Variants in PDE7B observed in about 807,000 individuals in gnomAD.
The protein encoded by PDE7B is phosphodiesterase 7B.
In PDE7B, 29 loss-of-function variants were observed where a neutral mutation model predicts 56.2. The observed-to-expected ratio is 0.52, with a 90% CI of 0.38 to 0.70. The LOEUF is 0.70. Among genes scored for constraint, PDE7B ranks in the 30% least tolerant of loss-of-function variants. The probability of loss-of-function intolerance (pLI) is 0.00; values close to 1 mark genes in which losing one functional copy is unlikely to be tolerated. For missense variants in PDE7B, 490 were observed against 565.0 expected (o/e 0.87, Z 1.35); for synonymous variants, 197 against 196.9 (o/e 1.00, Z 0.00).
rs534253228 is a variant in PDE7B, at chr6:135,921,872, A to T, written c.22-25592A>T. 8.7e-4 allele frequency among the ~76,000 whole-genome samples: 133 copies of T among 152,188 alleles called. No homozygotes were observed. In the South Asian group the frequency reaches 0.011, roughly 13 times the overall value. On this transcript the variant is annotated intron_variant, in intron 1 of 12. Coordinates refer to ENST00000308191, the MANE Select transcript of PDE7B (RefSeq NM_018945.4). Reference sequence around the variant, plus strand: ...ATAAAAAAATACCCCTTATACTTTCATCCCAACCTCCTATCCTTCCCAAAA... The same window carrying T: ...ATAAAAAAATACCCCTTATACTTTCTTCCCAACCTCCTATCCTTCCCAAAA...
chr6:135,982,905 G>T (rs75149976), intron 2 of PDE7B, among the ~76,000 whole-genome samples: 3 of 152,048 alleles, frequency 2.0e-5, no homozygotes, highest in Non-Finnish European at 2.9e-5. Flanking sequence ...TCCTCTAAAG[G>T]CTTCTCCCTT....
chr6:135,853,693 G>A (rs1774975725), intron 1 of PDE7B, among the ~76,000 whole-genome samples: 1 of 151,946 alleles, frequency 6.6e-6, no homozygotes. Context: ...CAAAATCAGT[G>A]GTGACTATAT....
At chr6:136,073,388 G>A (rs1344744446) in intron 2 of PDE7B, among the ~76,000 whole-genome samples, 2 of 152,144 alleles carry the variant, frequency 1.3e-5, no homozygotes, top group African/African-American at 2.4e-5. Context: ...AATCAGCTAA[G>A]GCTGTCATAA....
intron 2 of PDE7B, among the ~76,000 whole-genome samples, chr6:136,062,157 G>A (rs979941782): frequency 1.3e-5 from 2 of 152,056 alleles, no homozygotes; most frequent in South Asian, 2.1e-4. Context: ...CAATCCTCAC[G>A]CCATCCTCAT....
intron 2 of PDE7B, among the ~76,000 whole-genome samples, chr6:136,011,260 A>C (rs971051318): frequency 2.6e-5 from 4 of 152,184 alleles, no homozygotes; most frequent in African/African-American, 9.7e-5. Context: ...AGAGCAGGGT[A>C]TCAGGCTGCT....
intron 2 of PDE7B, among the ~76,000 whole-genome samples, chr6:136,094,471 A>G (rs546803170): frequency 6.6e-6 from 1 of 152,142 alleles, no homozygotes; most frequent in East Asian, 1.9e-4. Context: ...CCTCCCAGAT[A>G]GTCTCTTGGC....
At chr6:136,140,527 T>TGC (rs1778303866) in intron 3 of PDE7B, among the ~76,000 whole-genome samples, 1 of 152,248 alleles carries the variant, frequency 6.6e-6, no homozygotes, top group African/African-American at 2.4e-5. Flanking sequence ...GGTAGCTTGA[T>TGC]GGCAATGGCA....
chr6:135,910,482 T>C (rs1224586621), intron 1 of PDE7B, among the ~76,000 whole-genome samples: 2 of 152,196 alleles, frequency 1.3e-5, no homozygotes, highest in South Asian at 2.1e-4. Flanking sequence ...GAGGAAGATA[T>C]ATTCCCCATA....
intron 3 of PDE7B, among the ~76,000 whole-genome samples, chr6:136,145,085 T>C (rs1778391806): frequency 6.6e-6 from 1 of 152,126 alleles, no homozygotes; most frequent in Admixed American, 6.6e-5. Flanking sequence ...CCTGAATCAG[T>C]CATTACCATA....
chr6:135,977,959 T>A (rs1425282038), intron 2 of PDE7B, among the ~76,000 whole-genome samples: 1 of 152,182 alleles, frequency 6.6e-6, no homozygotes, highest in South Asian at 2.1e-4. Context: ...ATGTGTATAC[T>A]GTAATATACA....
chr6:136,188,857 T>G (rs1779179720), intron 12 of PDE7B, among the ~76,000 whole-genome samples: 1 of 152,126 alleles, frequency 6.6e-6, no homozygotes, highest in Admixed American at 6.6e-5. Flanking sequence ...GGGAAGGTGA[T>G]TATAAAACAA....
chr6:136,024,678 C>T (rs1045331579), intron 2 of PDE7B, among the ~76,000 whole-genome samples: 1 of 152,164 alleles, frequency 6.6e-6, no homozygotes, highest in Non-Finnish European at 1.5e-5. Context: ...GTCATGTATG[C>T]TTGCATTTCA....
In PDE7B at chr6:135,963,070, C is replaced by A. The variant is rs187075055; in HGVS notation, c.82+15546C>A. On this transcript the variant is annotated intron_variant, in intron 2 of 12. Coordinates refer to ENST00000308191, the MANE Select transcript of PDE7B (RefSeq NM_018945.4). ...ACAAATGATATCAAGTAATGTGGAACAAAACACTGTGGAACTTTCTGAGGT... is the reference window on the plus strand; with the variant it reads ...ACAAATGATATCAAGTAATGTGGAAAAAAACACTGTGGAACTTTCTGAGGT... Among the ~76,000 whole-genome samples, 112 of 152,232 alleles carry A rather than the reference C, an allele frequency of 7.4e-4. 1 individual carries two copies. Among genetic ancestry groups the A allele is most frequent in the Admixed American group, 2.2e-3 (34 of 15,288 alleles).
intron 1 of PDE7B, among the ~76,000 whole-genome samples, chr6:135,862,513 G>T (rs1243852915): frequency 2.6e-5 from 4 of 151,730 alleles, no homozygotes; most frequent in Admixed American, 2.0e-4. Context: ...CCTTATCAAG[G>T]TTCCATTGAC....
intron 1 of PDE7B, among the ~76,000 whole-genome samples, chr6:135,939,414 A>G (rs891598384): frequency 6.6e-6 from 1 of 152,156 alleles, no homozygotes; most frequent in African/African-American, 2.4e-5. Flanking sequence ...CAGATTGTTG[A>G]AAACTTATTA....
intron 2 of PDE7B, among the ~76,000 whole-genome samples, chr6:136,089,780 T>A (rs1192921039): frequency 1.3e-5 from 2 of 152,222 alleles, no homozygotes; most frequent in African/African-American, 4.8e-5. Context: ...ATGCCAGTTA[T>A]TGGTCATAAT....
At position 136,146,332 on chromosome 6, in the gene PDE7B, TGACA is replaced by T. The variant is rs578119974; in HGVS notation, c.167-1014_167-1011del. Among the ~76,000 whole-genome samples the T allele has an allele frequency of 1.6e-4, 25 of 152,340 alleles. No homozygotes were observed. The South Asian group carries it at 5.0e-3, about 30-fold the overall frequency. ...ATTTCAGCTGAGATAAGAAATATCT[TGACA>T]GACATTCAAATAATGTGTTTGGGGT... On this transcript the variant is annotated intron_variant, in intron 3 of 12. Transcript: ENST00000308191.
At chr6:135,895,438 T>G (rs1228738047) in intron 1 of PDE7B, among the ~76,000 whole-genome samples, 2 of 152,122 alleles carry the variant, frequency 1.3e-5, no homozygotes, top group Non-Finnish European at 1.5e-5. Context: ...GAAAGAGACC[T>G]GGTGCCCTGA....
intron 11 of PDE7B, among the ~76,000 whole-genome samples, chr6:136,184,326 A>T (rs1779112999): frequency 1.3e-5 from 2 of 152,222 alleles, no homozygotes; most frequent in Non-Finnish European, 2.9e-5. Context: ...ACCTCTAATG[A>T]TAGTGGTCAC....
Sources: allele counts gnomAD v4.1 joint callset (sites outside exome capture counted in the v4.1 genomes callset), GRCh38; gene constraint gnomAD v4.1.1; transcripts MANE v1.5; gene names NCBI Gene and HGNC (gene_info 2026-07-23, HGNC 2026-07-21).